The following SNX29 variants were observed in gnomAD, a reference collection of about 807,000 sequenced individuals.
SNX29 encodes sorting nexin-29.
A neutral mutation model predicts 102.1 loss-of-function variants in SNX29; 78 were observed. That is an observed-to-expected ratio of 0.76 (90% CI 0.64 to 0.92). The LOEUF is 0.92. Ranked by LOEUF, SNX29 falls within the 40% of genes least tolerant of loss-of-function variation. The pLI, the probability that SNX29 is intolerant of heterozygous loss-of-function variation, is 0.00. For missense variants in SNX29, 1,280 were observed against 1,061.7 expected (o/e 1.21, Z -2.86); for synonymous variants, 580 against 414.5 (o/e 1.40, Z -4.85).
intron 13 of SNX29, among the ~76,000 whole-genome samples, chr16:12,151,696 C>G (rs1253940659): frequency 6.6e-6 from 1 of 152,160 alleles, no homozygotes; most frequent in Non-Finnish European, 1.5e-5. Flanking sequence ...TTTTCTCACA[C>G]AACCTACTCT....
intron 14 of SNX29, among the ~76,000 whole-genome samples, chr16:12,213,351 A>G (rs532223574): frequency 6.6e-6 from 1 of 152,286 alleles, no homozygotes; most frequent in African/African-American, 2.4e-5. Flanking sequence ...GCGAGGGATG[A>G]AAAACTACCT....
rs1188437386 is a variant in SNX29, at chr16:12,568,772, C to T, written c.*143C>T. ...CACACGATTCCCAACAGTTACACAA[C>T]ACCCCGATTAAACTAATCAGTCTTC... On this transcript the variant is annotated 3_prime_UTR_variant, in exon 21 of 21. Transcript: ENST00000566228. 2 of 1,280,820 alleles carry T rather than the reference C, an allele frequency of 1.6e-6. No homozygotes were observed. Among genetic ancestry groups the T allele is most frequent in the Admixed American group, 2.6e-5 (1 of 38,596 alleles). 79.3% of individuals were successfully genotyped at this position (1,280,820 alleles called of 1,614,324 possible). A position where few individuals can be genotyped will look rare whatever the true frequency, so the allele number is the denominator to read the frequency against.
chr16:12,241,042 C>T (rs973088325), intron 14 of SNX29, among the ~76,000 whole-genome samples: 4 of 152,034 alleles, frequency 2.6e-5, no homozygotes, highest in Non-Finnish European at 2.9e-5. Flanking sequence ...TTGTAGTATG[C>T]GTGATTGTGG....
intron 20 of SNX29, among the ~76,000 whole-genome samples, chr16:12,534,485 T>A (rs560197935): frequency 9.2e-5 from 14 of 152,336 alleles, no homozygotes; most frequent in African/African-American, 3.1e-4. Context: ...TTTTCGGGGT[T>A]TGTTTTGCTT....
intron 19 of SNX29, among the ~76,000 whole-genome samples, chr16:12,510,936 A>G (rs2089590048): frequency 6.6e-6 from 1 of 152,040 alleles, no homozygotes; most frequent in African/African-American, 2.4e-5. Context: ...GTGGGGAGAC[A>G]GGCTGCCATA....
At chr16:12,264,753 A>G (rs1204344729) in intron 14 of SNX29, among the ~76,000 whole-genome samples, 4 of 151,766 alleles carry the variant, frequency 2.6e-5, no homozygotes, top group East Asian at 3.9e-4. Context: ...CTGCACTCCA[A>G]CGAGACTCTG....
intron 20 of SNX29, among the ~76,000 whole-genome samples, chr16:12,551,114 A>C (rs1037446330): frequency 2.6e-5 from 4 of 152,102 alleles, no homozygotes; most frequent in African/African-American, 9.7e-5. Context: ...TCTGGTGTGA[A>C]ATAATGGAAC....
intron 14 of SNX29, among the ~76,000 whole-genome samples, chr16:12,206,143 C>A (rs1015280756): frequency 6.6e-6 from 1 of 152,184 alleles, no homozygotes; most frequent in African/African-American, 2.4e-5. Context: ...ATCATGTGAC[C>A]TTGACCCTGC....
rs529606675 is a variant in SNX29, at chr16:12,421,399, G to T, written c.2037+17870G>T. On this transcript the variant is annotated intron_variant, in intron 18 of 20. Coordinates refer to ENST00000566228, the MANE Select transcript of SNX29 (RefSeq NM_032167.5). Reference sequence around the variant, plus strand: ...GGTTTGGAGACCAAATGGGGCTTCAGTTCCCCAGGCTCTGCCAGGCCCTTG... The same window carrying T: ...GGTTTGGAGACCAAATGGGGCTTCATTTCCCCAGGCTCTGCCAGGCCCTTG... Among the ~76,000 whole-genome samples the T allele has an allele frequency of 1.2e-4, 19 of 152,350 alleles. No homozygotes were observed. In the South Asian group the frequency reaches 3.9e-3, roughly 32 times the overall value.
intron 16 of SNX29, among the ~76,000 whole-genome samples, chr16:12,369,651 C>G (rs2082611706): frequency 6.6e-6 from 1 of 152,176 alleles, no homozygotes; most frequent in South Asian, 2.1e-4. Flanking sequence ...CCTTGTAAAT[C>G]TCACTGGCTA....
chr16:12,563,449 T>G (rs2078844940), intron 20 of SNX29, among the ~76,000 whole-genome samples: 1 of 152,168 alleles, frequency 6.6e-6, no homozygotes, highest in African/African-American at 2.4e-5. Context: ...GCAGGTAAAT[T>G]TAGGAAACCT....
intron 18 of SNX29, among the ~76,000 whole-genome samples, chr16:12,413,231 G>A (rs1240340405): frequency 6.6e-6 from 1 of 152,170 alleles, no homozygotes; most frequent in African/African-American, 2.4e-5. Flanking sequence ...TGTGGGGAAT[G>A]TCTCAAAACG....
At chr16:12,189,769 C>A (rs1187627880) in intron 13 of SNX29, among the ~76,000 whole-genome samples, 11 of 151,880 alleles carry the variant, frequency 7.2e-5, no homozygotes, top group Non-Finnish European at 1.0e-4. Flanking sequence ...TGTTTTGATG[C>A]CCGGATCGTC....
At chr16:12,140,311 A>C (rs1295245712) in intron 13 of SNX29, among the ~76,000 whole-genome samples, 1 of 152,192 alleles carries the variant, frequency 6.6e-6, no homozygotes, top group African/African-American at 2.4e-5. Flanking sequence ...TGCCAGTGGG[A>C]GGAGAAGACT....
intron 3 of SNX29, among the ~76,000 whole-genome samples, chr16:12,015,648 G>C (rs2056823534): frequency 6.6e-6 from 1 of 150,816 alleles, no homozygotes; most frequent in Admixed American, 6.7e-5. Flanking sequence ...CCATTCTCCT[G>C]TCTCAGCCTC....
intron 9 of SNX29, among the ~76,000 whole-genome samples, chr16:12,061,854 C>T (rs1011212462): frequency 6.6e-6 from 1 of 152,144 alleles, no homozygotes; most frequent in African/African-American, 2.4e-5. Context: ...CTGAGGTGCT[C>T]TCCGTGGAGT....
At chr16:12,562,748 C>G (rs745527190) in intron 20 of SNX29, among the ~76,000 whole-genome samples, 1 of 152,138 alleles carries the variant, frequency 6.6e-6, no homozygotes, top group Non-Finnish European at 1.5e-5. Context: ...GGCATAGTTC[C>G]TTGAGTTTTC....
chr16:12,288,297 G>A (rs376459291), intron 15 of SNX29, among the ~76,000 whole-genome samples: 1 of 152,106 alleles, frequency 6.6e-6, no homozygotes, highest in African/African-American at 2.4e-5. Flanking sequence ...CAGGAGTTAC[G>A]GCCCCTTTCC....
Position 12,350,243 on chromosome 16 carries a change from C to T in SNX29, c.1783-5920C>T, listed in dbSNP as rs959953784. Among the ~76,000 whole-genome samples the T allele has an allele frequency of 9.8e-5, 15 of 152,308 alleles. 1 individual carries two copies. The highest frequency in any genetic ancestry group is 9.2e-4 in the Admixed American group (14 of 15,298). On this transcript the variant is annotated intron_variant, in intron 15 of 20. Coordinates refer to ENST00000566228, the MANE Select transcript of SNX29 (RefSeq NM_032167.5). ...TTCAACCAACTGGGGAGCAAAAATA[C>T]CGGGCGGGGAGAATGCATCTGTACT...
Sources: gnomAD v4.1 joint callset for allele counts (sites outside exome capture counted in the v4.1 genomes callset) on GRCh38, gnomAD v4.1.1 for gene constraint, MANE v1.5 for transcripts, NCBI Gene and HGNC (gene_info 2026-07-23, HGNC 2026-07-21) for gene names.